SLC6A18: variants seen among roughly 807,000 people sequenced by gnomAD.
SLC6A18 encodes solute carrier family 6 member 18.
SLC6A18 carries 58 observed loss-of-function variants against 62.9 expected under a neutral mutation model. That is an observed-to-expected ratio of 0.92 (90% confidence interval 0.75 to 1.15). The LOEUF (loss-of-function observed/expected upper bound fraction) is 1.15. Among genes scored for constraint, SLC6A18 ranks in the 50% most tolerant of loss-of-function variants. The pLI is 0.00. For synonymous variants in SLC6A18, 382 were observed against 365.8 expected, an observed-to-expected ratio of 1.04 and a Z score of -0.51; for missense variants, 793 against 836.6, an observed-to-expected ratio of 0.95 and a Z score of 0.64.
intron 4 of SLC6A18, among the ~76,000 whole-genome samples, chr5:1,237,739 C>T (rs997240316): frequency 2.8e-4 from 43 of 152,294 alleles, no homozygotes; most frequent in African/African-American, 9.9e-4. Flanking sequence ...GTGCATGTGA[C>T]TGTCTCTGGT....
rs1290505951 is a variant in SLC6A18, at chr5:1,241,879, C to T, written c.975-828C>T. On this transcript the variant is annotated intron_variant, in intron 7 of 11. Transcript: ENST00000324642. The surrounding 1 kb of genome is among the most constrained non-coding windows in gnomAD (Gnocchi z 7.8). The stretch of plus-strand genomic sequence containing the variant: ...CAGCCGTGCGCACAACGCCCTGCGC[C>T]GTGCAGCCCAAGCTGGCCTCGTGTG... Among the ~76,000 whole-genome samples, 5 of 152,216 alleles carry T rather than the reference C, an allele frequency of 3.3e-5. No homozygotes were observed. The highest frequency in any genetic ancestry group is 2.9e-5 in the Non-Finnish European group (2 of 68,034).
In SLC6A18 at chr5:1,246,020, G is replaced by A. The variant is rs1000807243; in HGVS notation, c.1829G>A (p.Arg610His). ...DRDARPDTDM[R>H]PDTDTRPDTD... is the part of the protein sequence containing the mutation. ...GACGCGCGCCCAGACACGGACATGC[G>A]CCCGGACACGGACACGCGCCCAGAC... Residue 610 changes from arginine (R) to histidine (H), a missense_variant, in exon 12 of 12, where the codon CGC (arginine) becomes CAC (histidine). Arg to His is a conservative substitution (Grantham distance 29, BLOSUM62 0). Transcript: ENST00000324642. The A allele has an allele frequency of 5.6e-6, 9 of 1,594,986 alleles. No individual in the cohort carries two copies. The highest frequency in any genetic ancestry group is 6.8e-6 in the Non-Finnish European group (8 of 1,176,286).
chr5:1,237,859 A>AG (rs1746924477), intron 4 of SLC6A18, 91 bp from the exon 5 acceptor site: 1 of 974,568 alleles, frequency 1.0e-6, no homozygotes, highest in Admixed American at 1.9e-5. Context: ...TCTGACCACA[A>AG]GGGCGGTGTC....
Position 1,232,824 on chromosome 5 carries a change from C to A in SLC6A18, c.375C>A (p.Tyr125Ter), listed in dbSNP as rs1561176068. ...YNTIVAWVLW[Y>*]LLNSFQHPLP... ...CCATCGTGGCGTGGGTGCTGTGGTACCTCCTCAACTCCTTCCAGCACCCGC... is the reference window on the plus strand; with the variant it reads ...CCATCGTGGCGTGGGTGCTGTGGTAACTCCTCAACTCCTTCCAGCACCCGC... Residue 125 changes from tyrosine to a stop codon, truncating the protein, a stop_gained, in exon 3 of 12, where the codon TAC (tyrosine) becomes TAA (stop). Coordinates refer to ENST00000324642, the MANE Select transcript of SLC6A18 (RefSeq NM_182632.3). LOFTEE classifies it high-confidence loss of function. The A allele has an allele frequency of 1.2e-6, 2 of 1,613,274 alleles. No individual in the cohort carries two copies. Among genetic ancestry groups the A allele is most frequent in the Non-Finnish European group, 1.7e-6 (2 of 1,179,998 alleles).
intron 6 of SLC6A18, 45 bp downstream of exon 6, chr5:1,239,607 G>C: frequency 6.9e-7 from 1 of 1,444,228 alleles, no homozygotes; most frequent in South Asian, 1.1e-5. Context: ...GCTTTGGGGA[G>C]ACGCCCGAGC....
chr5:1,232,013 T>A (rs1041291250), intron 1 of SLC6A18, among the ~76,000 whole-genome samples: 1 of 152,336 alleles, frequency 6.6e-6, no homozygotes, highest in African/African-American at 2.4e-5. Flanking sequence ...GCCCTCTTGA[T>A]GAGAGGTCTC....
At chr5:1,227,084 C>T (rs1451358297) in intron 1 of SLC6A18, among the ~76,000 whole-genome samples, 3 of 102,410 alleles carry the variant, frequency 2.9e-5, no homozygotes, top group Non-Finnish European at 4.5e-5. Flanking sequence ...CCTTGCCCGC[C>T]GACGCCTTGC....
Position 1,243,681 on chromosome 5 carries a change from G to A in SLC6A18, c.1258G>A (p.Gly420Arg), listed in dbSNP as rs377325729. The A allele has an allele frequency of 5.8e-5, 93 of 1,613,892 alleles. No individual in the cohort carries two copies. Among genetic ancestry groups the A allele is most frequent in the Non-Finnish European group, 6.4e-5 (76 of 1,179,988 alleles). ...LFTLGLSTMF[G>R]TVEAVITPLL... ...CACCTTGGGGCTATCGACCATGTTC[G>A]GGACCGTGGAGGCGGTCATCACACC... Residue 420 changes from glycine (G) to arginine (R), a missense_variant, in exon 9 of 12, where the codon GGG becomes AGG. Physicochemically the swap from Gly to Arg is moderately radical, Grantham distance 125. Coordinates refer to ENST00000324642, the MANE Select transcript of SLC6A18 (RefSeq NM_182632.3). This position sits in a 1 kb window ranked among gnomAD's most constrained non-coding sequence, Gnocchi z 6.5.
At chr5:1,225,951 C>G (rs931609619) in intron 1 of SLC6A18, among the ~76,000 whole-genome samples, 1 of 152,236 alleles carries the variant, frequency 6.6e-6, no homozygotes, top group African/African-American at 2.4e-5. Context: ...GCCCGACACA[C>G]ACACCCTACA....
At chr5:1,229,990 G>A (rs1263016291) in intron 1 of SLC6A18, among the ~76,000 whole-genome samples, 1 of 97,072 alleles carries the variant, frequency 1.0e-5, no homozygotes, top group African/African-American at 4.5e-5. Flanking sequence ...GGGAAGAAGG[G>A]CTATCATGGT....
intron 5 of SLC6A18, among the ~76,000 whole-genome samples, chr5:1,238,978 A>C (rs1179780135): frequency 6.6e-6 from 1 of 152,192 alleles, no homozygotes; most frequent in Non-Finnish European, 1.5e-5. Context: ...CTGGTGTGGG[A>C]GTGGGCACCT....
intron 1 of SLC6A18, among the ~76,000 whole-genome samples, chr5:1,231,175 C>T (rs1484426274): frequency 6.6e-6 from 1 of 152,218 alleles, no homozygotes; most frequent in Non-Finnish European, 1.5e-5. Flanking sequence ...CTCGCATCCT[C>T]AGCACCAGGC....
chr5:1,237,080 A>AT (rs1561178138), intron 4 of SLC6A18, among the ~76,000 whole-genome samples: 2 of 149,888 alleles, frequency 1.3e-5, no homozygotes, highest in Non-Finnish European at 1.5e-5. Flanking sequence ...CTAAAAATAA[A>AT]AAAAAAAAAA....
At chr5:1,227,316 A>T (rs755486619) in intron 1 of SLC6A18, among the ~76,000 whole-genome samples, 7 of 150,594 alleles carry the variant, frequency 4.6e-5, no homozygotes, top group African/African-American at 9.7e-5. Context: ...GCTGCTGAGG[A>T]GGGAGAACAG....
intron 1 of SLC6A18, among the ~76,000 whole-genome samples, chr5:1,230,528 G>A (rs1008696399): frequency 1.3e-5 from 2 of 152,302 alleles, no homozygotes; most frequent in South Asian, 2.1e-4. Flanking sequence ...CCCACATGCT[G>A]GCCCTGGAGT....
At position 1,228,337 on chromosome 5, in the gene SLC6A18, C is replaced by A. The variant is rs925434655; in HGVS notation, c.160+2700C>A. 3.3e-5 allele frequency among the ~76,000 whole-genome samples: 5 copies of A among 152,206 alleles called. 1 individual carries two copies. The highest frequency in any genetic ancestry group is 2.0e-4 in the Admixed American group (3 of 15,288). Reference sequence around the variant, plus strand: ...CTGGAGCACCATCTGCCGTCTGCACCCTCGCGGCTCCCGGCTCGGTCTCCT... The same window carrying A: ...CTGGAGCACCATCTGCCGTCTGCACACTCGCGGCTCCCGGCTCGGTCTCCT... On this transcript the variant is annotated intron_variant, in intron 1 of 11. Coordinates refer to ENST00000324642, the MANE Select transcript of SLC6A18 (RefSeq NM_182632.3).
At chr5:1,227,949 A>G (rs1746624176) in intron 1 of SLC6A18, among the ~76,000 whole-genome samples, 1 of 152,060 alleles carries the variant, frequency 6.6e-6, no homozygotes, top group African/African-American at 2.4e-5. Context: ...CACACACGTG[A>G]GGTCACTCAT....
At chr5:1,239,348 C>A in intron 5 of SLC6A18, 102 bp from the exon 6 acceptor site, 1 of 814,156 alleles carries the variant, frequency 1.2e-6, no homozygotes, top group South Asian at 1.5e-5. Flanking sequence ...CACTTGCTCA[C>A]GAGTGTCCCC....
intron 10 of SLC6A18, 42 bp downstream of exon 10, chr5:1,244,415 G>A (rs376134782): frequency 3.7e-5 from 59 of 1,608,174 alleles, no homozygotes; most frequent in Non-Finnish European, 4.7e-5. Flanking sequence ...GGACCCACCA[G>A]GGTGGGACAG....
Sources: allele counts gnomAD v4.1 joint callset (sites outside exome capture counted in the v4.1 genomes callset), GRCh38; gene constraint gnomAD v4.1.1; non-coding constraint Gnocchi (gnomAD v3.1); transcripts MANE v1.5; gene names NCBI Gene and HGNC (gene_info 2026-07-23, HGNC 2026-07-21).